TENM2: variants seen among roughly 807,000 people sequenced by gnomAD.
TENM2 encodes the protein teneurin transmembrane protein 2, also known as teneurin-2.
TENM2 carries 52 observed loss-of-function variants against 245.2 expected under a neutral mutation model. That is an observed-to-expected ratio of 0.21 (90% CI 0.17 to 0.27). The LOEUF (loss-of-function observed/expected upper bound fraction) is 0.27. TENM2 is among the 10% of genes least tolerant of loss of function. The pLI is 1.00. For synonymous variants in TENM2, 1,363 were observed against 1,438.9 expected (o/e 0.95, Z 1.19); for missense variants, 3,046 against 3,666.8 (o/e 0.83, Z 4.37).
At chr5:167,208,058 G>A in the TENM2 span, among the ~76,000 whole-genome samples, 1 of 152,088 alleles carries the variant, frequency 6.6e-6, no homozygotes, top group Admixed American at 6.6e-5. Flanking sequence ...CCGGCCTACT[G>A]AGGTATATTC....
chr5:167,726,003 A>G (rs1759977131), intron 2 of TENM2, among the ~76,000 whole-genome samples: 1 of 152,124 alleles, frequency 6.6e-6, no homozygotes, highest in Non-Finnish European at 1.5e-5. Flanking sequence ...CACACCTTCT[A>G]GAGGTATCAG....
Position 167,452,950 on chromosome 5 carries a change from T to TATATATTTTTTTTTTTAA in TENM2, c.502+77483_502+77484insTTTTTTTTTTAAATATAT, listed in dbSNP as rs1561968212. On this transcript the variant is annotated intron_variant, in intron 2 of 28. Transcript: ENST00000518659. ...TATGATTTATATATATATATATATA[T>TATATATTTTTTTTTTTAA]ATATATATATATTTAAAAAAAAAAA... Among the ~76,000 whole-genome samples, 19 of 99,630 alleles carry TATATATTTTTTTTTTTAA rather than the reference T, an allele frequency of 1.9e-4. 1 individual carries two copies. The highest frequency in any genetic ancestry group is 6.5e-4 in the African/African-American group (19 of 29,432). 65.4% of individuals were successfully genotyped at this position (99,630 alleles called of 152,430 possible). A position where few individuals can be genotyped will look rare whatever the true frequency, so the allele number is the denominator to read the frequency against.
chr5:167,800,873 G>A (rs1228193938), intron 2 of TENM2, among the ~76,000 whole-genome samples: 1 of 151,686 alleles, frequency 6.6e-6, no homozygotes, highest in African/African-American at 2.4e-5. Flanking sequence ...ACTAATTTTA[G>A]AAGACAATGC....
At chr5:166,985,075 C>T in the TENM2 span, among the ~76,000 whole-genome samples, 20 of 152,014 alleles carry the variant, frequency 1.3e-4, no homozygotes, top group African/African-American at 4.8e-4. Context: ...GAAAAAAATA[C>T]AAATAAAGAT....
rs191830509 is a variant in TENM2, at chr5:167,588,577, A to T, written c.502+213104A>T. Among the ~76,000 whole-genome samples, 470 of 152,342 alleles carry T rather than the reference A, an allele frequency of 3.1e-3. 4 individuals are homozygous for T. Among genetic ancestry groups the T allele is most frequent in the Middle Eastern group, 6.8e-3 (2 of 294 alleles). ...TTACTTAGTTACAGACTACTTTTTA[A>T]ATCCATTTCTGTTCCCACAATCACT... On this transcript the variant is annotated intron_variant, in intron 2 of 28. Transcript: ENST00000518659.
intron 2 of TENM2, among the ~76,000 whole-genome samples, chr5:167,682,884 C>T (rs1756828145): frequency 2.0e-5 from 3 of 152,156 alleles, no homozygotes; most frequent in African/African-American, 7.2e-5. Context: ...GTTTACATTA[C>T]ACAGAATAAT....
At chr5:168,139,812 G>C (rs1755377338) in intron 12 of TENM2, among the ~76,000 whole-genome samples, 1 of 152,206 alleles carries the variant, frequency 6.6e-6, no homozygotes, top group Non-Finnish European at 1.5e-5. Context: ...CCCAGCTCCA[G>C]CTGAACATGG....
chr5:167,226,962 A>C, the TENM2 span, among the ~76,000 whole-genome samples: 6 of 151,854 alleles, frequency 4.0e-5, no homozygotes, highest in Non-Finnish European at 1.5e-5. Context: ...ATGTGTGTAT[A>C]TATATAATGT....
chr5:168,234,250 A>T (rs1765218774), intron 25 of TENM2, among the ~76,000 whole-genome samples: 1 of 152,144 alleles, frequency 6.6e-6, no homozygotes, highest in Non-Finnish European at 1.5e-5. Context: ...TATCTCCCCC[A>T]GCATTTCTAT....
chr5:167,495,049 T>C (rs1005165999), intron 2 of TENM2, among the ~76,000 whole-genome samples: 2 of 152,080 alleles, frequency 1.3e-5, no homozygotes, highest in Non-Finnish European at 2.9e-5. Flanking sequence ...ATAAAGTTTT[T>C]ATTGTAATAA....
Position 167,900,136 on chromosome 5 carries a change from G to GAA in TENM2, c.712+23941_712+23942insAA, listed in dbSNP as rs1561912438. 2.0e-3 allele frequency among the ~76,000 whole-genome samples: 146 copies of GAA among 74,002 alleles called. 1 individual carries two copies. Among genetic ancestry groups the GAA allele is most frequent in the African/African-American group, 0.013 (131 of 10,468 alleles). The allele number at this position is 74,002 out of a possible 152,430, so 48.5% of individuals were successfully genotyped here. A position where few individuals can be genotyped will look rare whatever the true frequency, so the allele number is the denominator to read the frequency against. On this transcript the variant is annotated intron_variant, in intron 3 of 28. Coordinates refer to ENST00000518659, the Ensembl canonical transcript of TENM2. The stretch of plus-strand genomic sequence containing the variant: ...TAAAAAAAAAAAAAAAAAAAAAAGG[G>GAA]GGGGGGGGTTTTGGAAAGGAAAGGA...
chr5:168,162,103 G>A (rs1340620943), intron 12 of TENM2, among the ~76,000 whole-genome samples: 2 of 152,080 alleles, frequency 1.3e-5, no homozygotes, highest in Admixed American at 6.6e-5. Context: ...GAACCATCCA[G>A]TTTTCAGTCA....
chr5:167,259,808 A>G, the TENM2 span, among the ~76,000 whole-genome samples: 60 of 152,206 alleles, frequency 3.9e-4, no homozygotes, highest in Admixed American at 3.3e-3. Context: ...ATTGCTTCTC[A>G]TGAAGGGTGT....
chr5:168,071,898 G>A (rs1277967216), intron 7 of TENM2, among the ~76,000 whole-genome samples: 1 of 152,196 alleles, frequency 6.6e-6, no homozygotes, highest in Non-Finnish European at 1.5e-5. Flanking sequence ...TTGGGTATGA[G>A]AGAGCAGAAC....
At chr5:167,453,403 G>A (rs1285016150) in intron 2 of TENM2, among the ~76,000 whole-genome samples, 2 of 152,008 alleles carry the variant, frequency 1.3e-5, no homozygotes, top group Non-Finnish European at 2.9e-5. Flanking sequence ...ACTATTGTTT[G>A]AGTAAAAAAG....
At chr5:167,321,585 C>A (rs4868790) in intron 1 of TENM2, among the ~76,000 whole-genome samples, 87,456 of 151,676 alleles carry the variant, frequency 0.58, 25,317 homozygotes, top group Admixed American at 0.64. Flanking sequence ...TCCAGCCCAG[C>A]GGTTAGGTGG....
intron 7 of TENM2, among the ~76,000 whole-genome samples, chr5:168,071,795 C>A (rs1315231920): frequency 6.6e-6 from 1 of 152,124 alleles, no homozygotes. Flanking sequence ...ACAATAATAA[C>A]CATGAGAGCA....
intron 2 of TENM2, among the ~76,000 whole-genome samples, chr5:167,665,697 T>C (rs999247401): frequency 3.3e-5 from 5 of 152,168 alleles, no homozygotes; most frequent in African/African-American, 1.2e-4. Flanking sequence ...AATTATTTTA[T>C]TTTTGCCAAA....
chr5:167,532,654 T>C (rs964047956), intron 2 of TENM2, among the ~76,000 whole-genome samples: 3 of 151,634 alleles, frequency 2.0e-5, no homozygotes, highest in African/African-American at 7.3e-5. Flanking sequence ...AAGATGAGAT[T>C]TGGGTGGTGA....
Sources: gnomAD v4.1 joint callset for allele counts (sites outside exome capture counted in the v4.1 genomes callset) on GRCh38, gnomAD v4.1.1 for gene constraint, MANE v1.5 for transcripts, NCBI Gene and HGNC (gene_info 2026-07-23, HGNC 2026-07-21) for gene names.